The following CALCOCO2 variants were observed in gnomAD, a reference collection of about 807,000 sequenced individuals.
CALCOCO2 encodes the protein calcium binding and coiled-coil domain 2, also known as calcium-binding and coiled-coil domain-containing protein 2.
In CALCOCO2, 42 loss-of-function variants were observed where a neutral mutation model predicts 62.5. The observed-to-expected ratio is 0.67, with a 90% confidence interval of 0.53 to 0.87. CALCOCO2 has a LOEUF of 0.87. Ranked by LOEUF, CALCOCO2 falls within the 40% of genes least tolerant of loss-of-function variation. The pLI, the probability that CALCOCO2 is intolerant of heterozygous loss-of-function variation, is 0.00. For synonymous variants in CALCOCO2, 167 were observed against 173.0 expected (o/e 0.97, Z 0.27); for missense variants, 456 against 515.0 (o/e 0.89, Z 1.11).
intron 1 of CALCOCO2, among the ~76,000 whole-genome samples, chr17:48,835,074 A>G (rs8080446): frequency 0.11 from 17,215 of 151,792 alleles, 1,758 homozygotes; most frequent in African/African-American, 0.28. Context: ...CTCTTTACAT[A>G]TCTTCCCTCC....
At chr17:48,838,762 A>G (rs903068366) in intron 1 of CALCOCO2, among the ~76,000 whole-genome samples, 1 of 152,176 alleles carries the variant, frequency 6.6e-6, no homozygotes, top group African/African-American at 2.4e-5. Context: ...GTATGTGTAC[A>G]CAATCTTCCA....
chr17:48,836,080 GAA>G (rs2039887223), intron 1 of CALCOCO2, among the ~76,000 whole-genome samples: 1 of 152,084 alleles, frequency 6.6e-6, no homozygotes, highest in African/African-American at 2.4e-5. Context: ...TAATGAAAGA[GAA>G]ACTATACCAA....
At position 48,838,298 on chromosome 17, in the gene CALCOCO2, T is replaced by G. The variant is rs553720514; in HGVS notation, c.-10-3400T>G. ...GTAATCTATAGATAACATAACCAAT[T>G]AGGTCAGGGGTCGATCTTTAACTAC... is the stretch of plus-strand genomic sequence containing the variant. On this transcript the variant is annotated intron_variant, in intron 1 of 12. Transcript: ENST00000258947. 5.9e-5 allele frequency among the ~76,000 whole-genome samples: 9 copies of G among 152,262 alleles called. No individual in the cohort carries two copies. The East Asian group carries it at 1.7e-3, about 29-fold the overall frequency.
At chr17:48,840,863 A>G (rs2039966854) in intron 1 of CALCOCO2, among the ~76,000 whole-genome samples, 1 of 152,226 alleles carries the variant, frequency 6.6e-6, no homozygotes, top group South Asian at 2.1e-4. Flanking sequence ...TAATAACTAT[A>G]TAACTAACTA....
intron 1 of CALCOCO2, among the ~76,000 whole-genome samples, chr17:48,832,606 C>T (rs2039830936): frequency 6.6e-6 from 1 of 152,186 alleles, no homozygotes; most frequent in Non-Finnish European, 1.5e-5. Context: ...GAAAAGGGTA[C>T]TGTGACTTGG....
At chr17:48,848,808 C>T (rs1181951424) in intron 4 of CALCOCO2, 8 of 494,540 alleles carry the variant, frequency 1.6e-5, no homozygotes, top group Non-Finnish European at 3.9e-6. Flanking sequence ...CAGTTCTGGC[C>T]TACAGCCTGT....
At chr17:48,857,210 T>A (rs2040229443) in intron 10 of CALCOCO2, among the ~76,000 whole-genome samples, 1 of 151,418 alleles carries the variant, frequency 6.6e-6, no homozygotes, top group Admixed American at 6.6e-5. Flanking sequence ...TTTTTTTTTT[T>A]TTTTGAGACG....
At chr17:48,848,828 G>A (rs1052853172) in intron 4 of CALCOCO2, 5 of 484,368 alleles carry the variant, frequency 1.0e-5, no homozygotes, top group East Asian at 6.2e-5. Flanking sequence ...TCTGTCATAC[G>A]TGAGTATTAG....
At chr17:48,841,037 A>G (rs1019275825) in intron 1 of CALCOCO2, among the ~76,000 whole-genome samples, 3 of 152,212 alleles carry the variant, frequency 2.0e-5, no homozygotes, top group Admixed American at 6.5e-5. Flanking sequence ...AATGGGGTAG[A>G]TGTTATTTTT....
In CALCOCO2 at chr17:48,848,137, C is replaced by T. The variant is rs926668850; in HGVS notation, c.254C>T (p.Ser85Leu). Reference sequence around the variant, plus strand: ...TTGCCCATTGACCTAAACAACAAATCAGCTAAACAGCAGGAAGTCCAATTC... The same window carrying T: ...TTGCCCATTGACCTAAACAACAAATTAGCTAAACAGCAGGAAGTCCAATTC... ...VTLPIDLNNKSAKQQEVQFKA... is the reference protein window; with the variant it reads ...VTLPIDLNNKLAKQQEVQFKA... Residue 85 changes from serine (S) to leucine (L), a missense_variant, in exon 3 of 13, where the codon TCA becomes TTA. Transcript: ENST00000258947. 1.2e-6 allele frequency: 2 copies of T among 1,612,630 alleles called. No individual in the cohort carries two copies. The highest frequency in any genetic ancestry group is 1.3e-5 in the African/African-American group (1 of 74,870).
At chr17:48,832,650 A>G (rs1040174450) in intron 1 of CALCOCO2, among the ~76,000 whole-genome samples, 1 of 152,096 alleles carries the variant, frequency 6.6e-6, no homozygotes, top group Admixed American at 6.6e-5. Context: ...TAAGATAGGA[A>G]CCCAGCTCCC....
chr17:48,848,142 A>C lies in CALCOCO2; in HGVS notation c.259A>C (p.Lys87Gln). 6.2e-7 allele frequency: 1 copy of C among 1,612,244 alleles called. No homozygotes were observed. The highest frequency in any genetic ancestry group is 8.5e-7 in the Non-Finnish European group (1 of 1,178,272). The change falls in exon 3 of 13, where the codon AAA (lysine) becomes CAA (glutamine). Residue 87 changes from lysine (K) to glutamine (Q), a missense_variant. This residue lies in a region of CALCOCO2 where 236 missense variants were observed against 225.3 expected (regional missense o/e 1.05). Transcript: ENST00000258947. ...CATTGACCTAAACAACAAATCAGCTAAACAGCAGGAAGTCCAATTCAAAGG... is the reference window on the plus strand; with the variant it reads ...CATTGACCTAAACAACAAATCAGCTCAACAGCAGGAAGTCCAATTCAAAGG... ...LPIDLNNKSAKQQEVQFKAYY... is the reference protein window; with the variant it reads ...LPIDLNNKSAQQQEVQFKAYY...
At chr17:48,850,954 A>C (rs950782524) in intron 5 of CALCOCO2, 135 bp from the exon 6 acceptor site, 3 of 582,144 alleles carry the variant, frequency 5.2e-6, no homozygotes, top group East Asian at 2.9e-5. Flanking sequence ...CTTTTATTTG[A>C]GTATTTCATT....
At chr17:48,834,700 G>T (rs747367280) in intron 1 of CALCOCO2, among the ~76,000 whole-genome samples, 1 of 152,178 alleles carries the variant, frequency 6.6e-6, no homozygotes, top group Admixed American at 6.5e-5. Flanking sequence ...ATGGTAGACA[G>T]GTTCTATAGT....
intron 1 of CALCOCO2, among the ~76,000 whole-genome samples, chr17:48,841,375 T>A (rs1357041516): frequency 6.6e-6 from 1 of 152,182 alleles, no homozygotes; most frequent in Admixed American, 6.6e-5. Context: ...CAGCTCAGGC[T>A]ATTTTATCTA....
chr17:48,835,037 C>A (rs906490329), intron 1 of CALCOCO2, among the ~76,000 whole-genome samples: 4 of 111,356 alleles, frequency 3.6e-5, no homozygotes, highest in African/African-American at 6.3e-5. Flanking sequence ...CAGAGTGAGA[C>A]CCTGCCCCCC....
At chr17:48,840,011 T>C (rs1348441051) in intron 1 of CALCOCO2, among the ~76,000 whole-genome samples, 6 of 152,054 alleles carry the variant, frequency 3.9e-5, no homozygotes, top group African/African-American at 1.4e-4. Context: ...ACAGTCTCAC[T>C]ATATTGCCCA....
rs868407855 is a variant in CALCOCO2, at chr17:48,864,522, A to C, written c.*1517A>C. The C allele has an allele frequency of 1.3e-5, 2 of 153,144 alleles. No homozygotes were observed. The highest frequency in any genetic ancestry group is 4.8e-5 in the African/African-American group (2 of 41,612). 9.5% of individuals were successfully genotyped at this position (153,144 alleles called of 1,614,324 possible). A position where few individuals can be genotyped will look rare whatever the true frequency, so the allele number is the denominator to read the frequency against. ...AATTCCATTTTCTATCCCCTCAGGGACTGAACAAATGGAAATAACTCCCAG... is the reference window on the plus strand; with the variant it reads ...AATTCCATTTTCTATCCCCTCAGGGCCTGAACAAATGGAAATAACTCCCAG... On this transcript the variant is annotated 3_prime_UTR_variant, in exon 13 of 13. Coordinates refer to ENST00000258947, the MANE Select transcript of CALCOCO2 (RefSeq NM_005831.5).
chr17:48,862,730 T>C, intron 12 of CALCOCO2, 108 bp from the exon 13 acceptor site: 2 of 839,790 alleles, frequency 2.4e-6, no homozygotes, highest in Non-Finnish European at 4.0e-6. Context: ...TGCCTAACCA[T>C]GTGCCAGTCA....
Sources: allele counts gnomAD v4.1 joint callset (sites outside exome capture counted in the v4.1 genomes callset), GRCh38; gene constraint gnomAD v4.1.1; regional missense constraint gnomAD v4.1.1; transcripts MANE v1.5; gene names NCBI Gene and HGNC (gene_info 2026-07-23, HGNC 2026-07-21).